The following ADK variants were observed in gnomAD, a reference collection of about 807,000 sequenced individuals.
ADK encodes the protein adenosine kinase.
ADK carries 24 observed loss-of-function variants against 44.7 expected under a neutral mutation model. That is an observed-to-expected ratio of 0.54 (90% CI 0.39 to 0.76). The LOEUF is 0.76. ADK is among the 30% of genes least tolerant of loss of function. The probability of loss-of-function intolerance (pLI) is 0.00; values close to 1 mark genes in which losing one functional copy is unlikely to be tolerated. For missense variants in ADK, 321 were observed against 425.1 expected, an observed-to-expected ratio of 0.76 and a Z score of 2.15; for synonymous variants, 128 against 142.6, an observed-to-expected ratio of 0.90 and a Z score of 0.73.
chr10:74,177,562 A>G (rs1842387799), intron 1 of ADK, among the ~76,000 whole-genome samples: 1 of 152,114 alleles, frequency 6.6e-6, no homozygotes, highest in Admixed American at 6.6e-5. Context: ...GGACAGGATA[A>G]TGGGCTTGTC....
chr10:74,277,688 C>T (rs761397246), intron 3 of ADK, among the ~76,000 whole-genome samples: 18 of 152,024 alleles, frequency 1.2e-4, no homozygotes, highest in Admixed American at 2.0e-4. Flanking sequence ...TGTGAGCCAC[C>T]GCGCCCAGCT....
At chr10:74,209,288 A>G (rs774446756) in intron 2 of ADK, among the ~76,000 whole-genome samples, 15 of 152,312 alleles carry the variant, frequency 9.8e-5, no homozygotes, top group East Asian at 1.9e-4. Context: ...GGATGCAGCA[A>G]CAAGGTTCCA....
chr10:74,440,335 T>A (rs898634572), intron 6 of ADK, among the ~76,000 whole-genome samples: 2 of 152,122 alleles, frequency 1.3e-5, no homozygotes, highest in Non-Finnish European at 2.9e-5. Context: ...TGGCTAAAAT[T>A]CACCTGGCTG....
chr10:74,368,087 T>C (rs1042458655), intron 4 of ADK, among the ~76,000 whole-genome samples: 1 of 152,186 alleles, frequency 6.6e-6, no homozygotes, highest in African/African-American at 2.4e-5. Flanking sequence ...CAAGATGATG[T>C]TTGGAGAGGT....
At chr10:74,293,512 C>T (rs1054421317) in intron 3 of ADK, among the ~76,000 whole-genome samples, 1 of 152,014 alleles carries the variant, frequency 6.6e-6, no homozygotes, top group Admixed American at 6.6e-5. Flanking sequence ...TGAACTACAC[C>T]TTCTCCAATG....
intron 7 of ADK, among the ~76,000 whole-genome samples, chr10:74,560,085 T>C (rs1564792033): frequency 6.6e-6 from 1 of 151,984 alleles, no homozygotes; most frequent in Non-Finnish European, 1.5e-5. Flanking sequence ...CCCAGATAAT[T>C]TTTTTAAAAA....
chr10:74,423,745 G>A (rs1034491525), intron 6 of ADK: 2 of 427,278 alleles, frequency 4.7e-6, no homozygotes, highest in African/African-American at 2.1e-5. Flanking sequence ...CTTGGCTGGT[G>A]CAAATGTATC....
rs1256588922 is a variant in ADK, at chr10:74,709,131, CT to C, written c.*690del. On this transcript the variant is annotated 3_prime_UTR_variant, in exon 11 of 11. Coordinates refer to ENST00000539909, the MANE Select transcript of ADK (RefSeq NM_006721.4). ...TTGTCATATAGGAATTTTTTTCTGT[CT>C]TTTCCCTGTGTACAGCAAACTGAGG... 1.3e-5 allele frequency: 2 copies of C among 152,230 alleles called. No individual in the cohort carries two copies. Among genetic ancestry groups the C allele is most frequent in the African/African-American group, 4.8e-5 (2 of 41,422 alleles). The allele number at this position is 152,230 out of a possible 1,614,324, so 9.4% of individuals were successfully genotyped here. A position where few individuals can be genotyped will look rare whatever the true frequency, so the allele number is the denominator to read the frequency against.
intron 3 of ADK, among the ~76,000 whole-genome samples, chr10:74,305,437 A>C (rs1466035931): frequency 6.6e-6 from 1 of 152,046 alleles, no homozygotes; most frequent in African/African-American, 2.4e-5. Context: ...TGTTGGACCT[A>C]TCCCCTTCCC....
chr10:74,446,097 T>C (rs916922812), intron 6 of ADK, among the ~76,000 whole-genome samples: 5 of 152,122 alleles, frequency 3.3e-5, no homozygotes, highest in Non-Finnish European at 5.9e-5. Flanking sequence ...AGTTGAATGC[T>C]GAAATGAATA....
At chr10:74,565,267 T>A (rs1850616501) in intron 7 of ADK, among the ~76,000 whole-genome samples, 1 of 152,170 alleles carries the variant, frequency 6.6e-6, no homozygotes, top group Non-Finnish European at 1.5e-5. Flanking sequence ...CCTGAAACAT[T>A]ACTACTATAT....
intron 3 of ADK, among the ~76,000 whole-genome samples, chr10:74,300,311 TTTCCTTCCTTCCTTCC>T (rs1213221623): frequency 6.7e-4 from 45 of 67,124 alleles, no homozygotes; most frequent in Non-Finnish European, 9.6e-4. Context: ...TCCTTCCTTC[TTTCCTTCCTTCCTTCC>T]TTCCTTCCTT....
intron 10 of ADK, among the ~76,000 whole-genome samples, chr10:74,690,725 A>G (rs569023666): frequency 3.1e-4 from 47 of 152,230 alleles, no homozygotes; most frequent in Admixed American, 1.3e-4. Flanking sequence ...ATGTCCCCCA[A>G]TTGAGGTGTT....
At chr10:74,157,723 A>AT (rs2132030791) in intron 1 of ADK, among the ~76,000 whole-genome samples, 1 of 151,642 alleles carries the variant, frequency 6.6e-6, no homozygotes, top group Admixed American at 6.6e-5. Flanking sequence ...TACTAAAAAA[A>AT]AAAAAAAAAA....
At chr10:74,234,253 TACATGTTAAAGA>T (rs1484988791) in intron 3 of ADK, among the ~76,000 whole-genome samples, 1 of 152,210 alleles carries the variant, frequency 6.6e-6, no homozygotes, top group East Asian at 1.9e-4. Context: ...AATTAAATAA[TACATGTTAAAGA>T]ACAAGGAAGA....
intron 4 of ADK, among the ~76,000 whole-genome samples, chr10:74,393,164 T>C (rs992142239): frequency 2.6e-5 from 4 of 152,174 alleles, no homozygotes; most frequent in Non-Finnish European, 4.4e-5. Context: ...AATATGCATG[T>C]ATTTCTTTTC....
intron 9 of ADK, among the ~76,000 whole-genome samples, chr10:74,656,560 G>A (rs1268547675): frequency 1.3e-5 from 2 of 152,170 alleles, no homozygotes; most frequent in East Asian, 1.9e-4. Context: ...AGGAGAGAGA[G>A]CAAGGATTGA....
intron 10 of ADK, among the ~76,000 whole-genome samples, chr10:74,698,900 A>G (rs1856305060): frequency 6.6e-6 from 1 of 151,132 alleles, no homozygotes; most frequent in Non-Finnish European, 1.5e-5. Context: ...AAACTAGAGT[A>G]CAGTAGGCTC....
intron 9 of ADK, among the ~76,000 whole-genome samples, chr10:74,653,789 A>C (rs143606413): frequency 6.6e-6 from 1 of 152,344 alleles, no homozygotes; most frequent in African/African-American, 2.4e-5. Flanking sequence ...AGTTTATTGG[A>C]CAATAAATGG....
Sources: allele counts gnomAD v4.1 joint callset (sites outside exome capture counted in the v4.1 genomes callset), GRCh38; gene constraint gnomAD v4.1.1; transcripts MANE v1.5; gene names NCBI Gene and HGNC (gene_info 2026-07-23, HGNC 2026-07-21).